Variants in HIP1 observed in about 807,000 individuals in gnomAD.
HIP1 encodes the protein huntingtin-interacting protein 1.
A neutral mutation model predicts 147.6 loss-of-function variants in HIP1; 65 were observed. The observed-to-expected ratio is 0.44, with a 90% CI of 0.36 to 0.54. The LOEUF is 0.54. Among genes scored for constraint, HIP1 ranks in the 20% least tolerant of loss-of-function variants. The pLI is 0.00. For missense variants in HIP1, 1,061 were observed against 1,299.6 expected, an observed-to-expected ratio of 0.82 and a Z score of 2.82; for synonymous variants, 479 against 504.0, an observed-to-expected ratio of 0.95 and a Z score of 0.67.
chr7:75,586,714 G>A, intron 5 of HIP1, 39 bp downstream of exon 5: 1 of 1,288,076 alleles, frequency 7.8e-7, no homozygotes, highest in South Asian at 1.2e-5. Context: ...TGGAGCAGGG[G>A]AGGCGGCGGT....
chr7:75,563,880 TA>T (rs1795316705), intron 9 of HIP1, among the ~76,000 whole-genome samples: 1 of 152,132 alleles, frequency 6.6e-6, no homozygotes, highest in Admixed American at 6.5e-5. Flanking sequence ...AAGAAACCAA[TA>T]TTTTTTTTCT....
At chr7:75,606,752 G>A (rs1266472628) in intron 1 of HIP1, among the ~76,000 whole-genome samples, 4 of 152,004 alleles carry the variant, frequency 2.6e-5, no homozygotes, top group East Asian at 1.9e-4. Flanking sequence ...GTGAACTAGC[G>A]GTAACGGTGG....
At chr7:75,668,484 C>T (rs1324288141) in intron 1 of HIP1, among the ~76,000 whole-genome samples, 3 of 152,134 alleles carry the variant, frequency 2.0e-5, no homozygotes, top group South Asian at 2.1e-4. Context: ...GCCAGCACAC[C>T]GGGCTAATTT....
intron 1 of HIP1, among the ~76,000 whole-genome samples, chr7:75,636,512 C>T (rs782626399): frequency 4.6e-5 from 7 of 152,210 alleles, no homozygotes; most frequent in Non-Finnish European, 8.8e-5. Flanking sequence ...GCCCCCAGAG[C>T]GAGGACTTCA....
intron 1 of HIP1, among the ~76,000 whole-genome samples, chr7:75,690,044 G>A (rs1225133193): frequency 1.3e-5 from 2 of 151,860 alleles, no homozygotes; most frequent in African/African-American, 4.8e-5. Context: ...CTGAGGCGGC[G>A]GGGGATCGCT....
At chr7:75,669,375 AAAAAC>A (rs1198616808) in intron 1 of HIP1, among the ~76,000 whole-genome samples, 2 of 151,794 alleles carry the variant, frequency 1.3e-5, no homozygotes, top group African/African-American at 4.9e-5. Context: ...TCCATCTCAA[AAAAAC>A]AAAACAAAAC....
At chr7:75,546,117 T>G (rs1192574539) in intron 25 of HIP1, among the ~76,000 whole-genome samples, 2 of 152,166 alleles carry the variant, frequency 1.3e-5, no homozygotes, top group African/African-American at 2.4e-5. Flanking sequence ...AGAATAAATA[T>G]TCTCATATGA....
Position 75,586,491 on chromosome 7 carries a change from C to T in HIP1, c.465+262G>A, listed in dbSNP as rs1167788. 4.1e-3 allele frequency among the ~76,000 whole-genome samples: 628 copies of T among 152,208 alleles called. 2 individuals carry two copies. Among genetic ancestry groups the T allele is most frequent in the African/African-American group, 0.014 (598 of 41,552 alleles). ...AGCTAGGATTATAGGTGTGAGCCACCGTGCCTGGCCAGGTTTCTTTCTAGC... is the reference window on the plus strand; with the variant it reads ...AGCTAGGATTATAGGTGTGAGCCACTGTGCCTGGCCAGGTTTCTTTCTAGC... On this transcript the variant is annotated intron_variant, in intron 5 of 30. Transcript: ENST00000336926.
chr7:75,578,501 C>T (rs1339096618), intron 7 of HIP1, among the ~76,000 whole-genome samples: 2 of 151,950 alleles, frequency 1.3e-5, no homozygotes, highest in African/African-American at 4.8e-5. Flanking sequence ...CATAATGAAG[C>T]CTTGTCTCTA....
intron 23 of HIP1, among the ~76,000 whole-genome samples, chr7:75,548,378 C>T (rs1421717350): frequency 6.6e-6 from 1 of 152,096 alleles, no homozygotes; most frequent in African/African-American, 2.4e-5. Context: ...GGAAACTAAT[C>T]ACCTTCTCTC....
chr7:75,616,809 G>C (rs907446956), intron 1 of HIP1, among the ~76,000 whole-genome samples: 1 of 152,204 alleles, frequency 6.6e-6, no homozygotes, highest in Non-Finnish European at 1.5e-5. Flanking sequence ...GCTGGTGCCT[G>C]AGCCTGTGTC....
chr7:75,562,239 G>T, intron 11 of HIP1, 69 bp from the exon 12 acceptor site: 2 of 999,112 alleles, frequency 2.0e-6, no homozygotes, highest in Non-Finnish European at 1.6e-6. Flanking sequence ...GGTCAGTTGA[G>T]TGATATGGGA....
chr7:75,595,265 T>C (rs1330952402), intron 2 of HIP1, among the ~76,000 whole-genome samples: 1 of 109,766 alleles, frequency 9.1e-6, no homozygotes, highest in Non-Finnish European at 1.8e-5. Flanking sequence ...CCTTCCTTCC[T>C]TCCTTCCTTC....
chr7:75,680,246 G>A (rs1333739910), intron 1 of HIP1, among the ~76,000 whole-genome samples: 1 of 152,140 alleles, frequency 6.6e-6, no homozygotes, highest in African/African-American at 2.4e-5. Context: ...GATTCGCCAT[G>A]TTGCCCAGGC....
At chr7:75,686,984 C>T (rs1411503111) in intron 1 of HIP1, among the ~76,000 whole-genome samples, 4 of 151,770 alleles carry the variant, frequency 2.6e-5, no homozygotes, top group African/African-American at 9.7e-5. Context: ...TACTCCCAGC[C>T]TGATGAGCTT....
rs1554498536 is a variant in HIP1, at chr7:75,581,265, C to T, written c.576G>A (p.Leu192=). ...TTTGGAAGAGGTTGAGTTCACACTC[C>T]AGGTAGTCAAACATCTCCACTGTTA... The part of the protein sequence containing the change: ...FQLTVEMFDY[L]ECELNLFQTV... Residue 192 remains leucine, a synonymous_variant, in exon 7 of 31, where the codon CTG becomes CTA. Coordinates refer to ENST00000336926, the MANE Select transcript of HIP1 (RefSeq NM_005338.7). 4 of 1,611,856 alleles carry T rather than the reference C, an allele frequency of 2.5e-6. No individual in the cohort carries two copies. Among genetic ancestry groups the T allele is most frequent in the Middle Eastern group, 1.6e-4 (1 of 6,062 alleles).
At chr7:75,586,875 A>G (rs1315025606) in intron 4 of HIP1, 42 bp from the exon 5 acceptor site, 4 of 1,209,306 alleles carry the variant, frequency 3.3e-6, no homozygotes, top group Admixed American at 3.6e-5. Flanking sequence ...CAACAAGAAC[A>G]TAACAGTCAA....
chr7:75,664,340 GTGTATGTATA>G (rs1799471830), intron 1 of HIP1, among the ~76,000 whole-genome samples: 1 of 63,750 alleles, frequency 1.6e-5, no homozygotes, highest in Non-Finnish European at 2.9e-5. Flanking sequence ...ATATATATGT[GTGTATGTATA>G]CGTATACATA....
chr7:75,579,942 A>G (rs925850821), intron 7 of HIP1, among the ~76,000 whole-genome samples: 5 of 152,148 alleles, frequency 3.3e-5, no homozygotes, highest in African/African-American at 1.2e-4. Flanking sequence ...TGGTGCTTAC[A>G]TCCCCCAGGG....
Sources: allele counts gnomAD v4.1 joint callset (sites outside exome capture counted in the v4.1 genomes callset), GRCh38; gene constraint gnomAD v4.1.1; transcripts MANE v1.5; gene names NCBI Gene and HGNC (gene_info 2026-07-23, HGNC 2026-07-21).